The following SNX14 variants were observed in gnomAD, a reference collection of about 807,000 sequenced individuals.
SNX14 encodes the protein sorting nexin-14.
A neutral mutation model predicts 133.8 loss-of-function variants in SNX14; 93 were observed. That is an observed-to-expected ratio of 0.70 (90% CI 0.59 to 0.83). The LOEUF is 0.83. Among genes scored for constraint, SNX14 ranks in the 40% least tolerant of loss-of-function variants. The pLI is 0.00. For synonymous variants in SNX14, 368 were observed against 365.6 expected (o/e 1.01, Z -0.07); for missense variants, 945 against 1,094.9 (o/e 0.86, Z 1.93).
chr6:85,580,684 A>T (rs1362680048), intron 1 of SNX14, among the ~76,000 whole-genome samples: 1 of 152,100 alleles, frequency 6.6e-6, no homozygotes, highest in Non-Finnish European at 1.5e-5. Flanking sequence ...TTAAGTAAAC[A>T]TTGACAGTAG....
chr6:85,508,776 A>T (rs768359785), intron 26 of SNX14, among the ~76,000 whole-genome samples: 8 of 152,010 alleles, frequency 5.3e-5, no homozygotes, highest in Non-Finnish European at 1.0e-4. Flanking sequence ...TCTGTTACCA[A>T]GAAAAGTCAA....
chr6:85,542,417 C>T (rs1784039507), intron 14 of SNX14, among the ~76,000 whole-genome samples: 1 of 152,148 alleles, frequency 6.6e-6, no homozygotes, highest in African/African-American at 2.4e-5. Context: ...TATTTTGAGA[C>T]AGAGTCTCGC....
rs543384553 is a variant in SNX14 at position 85,532,054 on chromosome 6, A to T, written c.1810+1545T>A. Reference sequence around the variant, plus strand: ...AAAAGAAAAAAAATTAAATTAAAAAATAAAATAAAAGTTTTAAGATTTTTT... The same window carrying T: ...AAAAGAAAAAAAATTAAATTAAAAATTAAAATAAAAGTTTTAAGATTTTTT... On this transcript the variant is annotated intron_variant, in intron 18 of 28. Transcript: ENST00000314673. 1.8e-4 allele frequency among the ~76,000 whole-genome samples: 28 copies of T among 152,272 alleles called. 1 individual carries two copies. In the Middle Eastern group the frequency reaches 0.01, roughly 55 times the overall value.
Position 85,546,922 on chromosome 6 carries a change from T to C in SNX14, c.1108+190A>G, listed in dbSNP as rs188625465. ...GTTGCAGTGAGCCAAGATCACACCA[T>C]TGCACTCCAGCCTGGGCAACGAGAG... On this transcript the variant is annotated intron_variant, in intron 12 of 28. Transcript: ENST00000314673. Among the ~76,000 whole-genome samples, 16 of 147,152 alleles carry C rather than the reference T, an allele frequency of 1.1e-4. No homozygotes were observed. In the Admixed American group the frequency reaches 1.1e-3, roughly 10 times the overall value.
At chr6:85,559,670 C>A (rs1790900117) in intron 6 of SNX14, among the ~76,000 whole-genome samples, 1 of 151,978 alleles carries the variant, frequency 6.6e-6, no homozygotes, top group Non-Finnish European at 1.5e-5. Context: ...TAATAATGAC[C>A]CATTTATCTT....
intron 1 of SNX14, among the ~76,000 whole-genome samples, chr6:85,582,495 ATT>A (rs374052377): frequency 5.2e-4 from 77 of 148,738 alleles, no homozygotes; most frequent in African/African-American, 1.9e-3. Context: ...CCAGGAGCCG[ATT>A]TTTTTTTTTG....
intron 21 of SNX14, among the ~76,000 whole-genome samples, chr6:85,523,365 TAG>T (rs1777505234): frequency 6.6e-6 from 1 of 152,184 alleles, no homozygotes; most frequent in Non-Finnish European, 1.5e-5. Flanking sequence ...ATAGGAAACT[TAG>T]TACAGTTCAA....
intron 1 of SNX14, among the ~76,000 whole-genome samples, chr6:85,591,608 T>C (rs186332657): frequency 1.3e-5 from 2 of 152,324 alleles, no homozygotes; most frequent in African/African-American, 2.4e-5. Context: ...CATAAGTAGA[T>C]GACCTCAGAA....
intron 23 of SNX14, among the ~76,000 whole-genome samples, chr6:85,516,677 C>T (rs563178071): frequency 2.1e-5 from 3 of 144,356 alleles, no homozygotes; most frequent in Non-Finnish European, 3.0e-5. Flanking sequence ...TTGCTCTGTC[C>T]CCCAGGCTGA....
intron 1 of SNX14, among the ~76,000 whole-genome samples, chr6:85,578,251 G>A (rs1797927925): frequency 6.6e-6 from 1 of 152,188 alleles, no homozygotes; most frequent in Non-Finnish European, 1.5e-5. Flanking sequence ...ACACCACACA[G>A]GATGCATAGA....
At chr6:85,587,862 T>TA (rs1206298415) in intron 1 of SNX14, among the ~76,000 whole-genome samples, 4 of 152,206 alleles carry the variant, frequency 2.6e-5, no homozygotes, top group Non-Finnish European at 5.9e-5. Flanking sequence ...AAATAGTAAT[T>TA]AGAATCCTGG....
chr6:85,593,614 C>T lies in SNX14; in HGVS notation c.105G>A (p.Leu35=). 6.2e-7 allele frequency: 1 copy of T among 1,613,394 alleles called. No individual in the cohort carries two copies. Among genetic ancestry groups the T allele is most frequent in the Admixed American group, 1.7e-5 (1 of 59,968 alleles). Residue 35 remains leucine, a synonymous_variant, in exon 1 of 29, where the codon CTG becomes CTA. Transcript: ENST00000314673. ...GCAGGGAGGCGGCGCTGAGACAGAGCAGCAGGAAGCAGAACAGCGGGTACT... is the reference window on the plus strand; with the variant it reads ...GCAGGGAGGCGGCGCTGAGACAGAGTAGCAGGAAGCAGAACAGCGGGTACT... The part of the protein sequence containing the change: ...CRQYPLFCFL[L]LCLSAASLLL...
chr6:85,543,277 T>C lies in SNX14; in HGVS notation c.1294A>G (p.Lys432Glu), dbSNP rs1183578608. ...AAAAGACATCTCATAGTTTGAAGTT[T>C]CACAACATCTATGTATGGGCCTTCA... ...IAEGPYIDVV[K>E]LQTMRCLFEA... is the part of the protein sequence containing the mutation. Residue 432 changes from lysine (K) to glutamate (E), a missense_variant, in exon 14 of 29, where the codon AAA (lysine) becomes GAA (glutamate). Transcript: ENST00000314673. The C allele has an allele frequency of 6.3e-7, 1 of 1,593,950 alleles. No homozygotes were observed. The highest frequency in any genetic ancestry group is 1.4e-5 in the African/African-American group (1 of 73,842).
chr6:85,513,934 T>A, intron 25 of SNX14, 39 bp from the exon 26 acceptor site: 1 of 1,579,284 alleles, frequency 6.3e-7, no homozygotes, highest in Non-Finnish European at 8.6e-7. Flanking sequence ...GGAATTTTCA[T>A]CTATTTATAC....
At chr6:85,531,613 C>T (rs570005974) in intron 18 of SNX14, among the ~76,000 whole-genome samples, 6 of 152,112 alleles carry the variant, frequency 3.9e-5, no homozygotes, top group East Asian at 1.9e-4. Flanking sequence ...TTTTGTTATC[C>T]GTATAAAATC....
At chr6:85,542,102 G>C in intron 14 of SNX14, 59 bp from the exon 15 acceptor site, 1 of 1,162,774 alleles carries the variant, frequency 8.6e-7, no homozygotes, top group Non-Finnish European at 1.2e-6. Context: ...ATTAAAACAT[G>C]TTACCTTAGT....
intron 6 of SNX14, among the ~76,000 whole-genome samples, chr6:85,561,538 T>C (rs1400830537): frequency 6.6e-6 from 1 of 152,162 alleles, no homozygotes; most frequent in Non-Finnish European, 1.5e-5. Flanking sequence ...CACTTAAATA[T>C]TATGAGTCAA....
At position 85,516,259 on chromosome 6, in the gene SNX14, CT is replaced by C. The variant is rs1280453046; in HGVS notation, c.2268+1496del. 2.7e-3 allele frequency among the ~76,000 whole-genome samples: 415 copies of C among 152,230 alleles called. 6 individuals are homozygous for C. The Middle Eastern group carries it at 0.037, about 14-fold the overall frequency. ...ATTTCATGTTGTTTCCAATTTTTCACTTATGTAAACAATATTTTAATAAACA... is the reference window on the plus strand; with the variant it reads ...ATTTCATGTTGTTTCCAATTTTTCACTATGTAAACAATATTTTAATAAACA... On this transcript the variant is annotated intron_variant, in intron 23 of 28. Transcript: ENST00000314673.
chr6:85,571,180 C>T (rs1224887056), intron 4 of SNX14, among the ~76,000 whole-genome samples: 1 of 151,684 alleles, frequency 6.6e-6, no homozygotes, highest in African/African-American at 2.4e-5. Context: ...TGTGAAACCC[C>T]GTCTCTACTA....
Sources: allele counts gnomAD v4.1 joint callset (sites outside exome capture counted in the v4.1 genomes callset), GRCh38; gene constraint gnomAD v4.1.1; transcripts MANE v1.5; gene names NCBI Gene and HGNC (gene_info 2026-07-23, HGNC 2026-07-21).